Variants in PRIM2 observed in about 807,000 individuals in gnomAD.
PRIM2 encodes DNA primase subunit 2, also known as DNA primase large subunit.
Under a neutral mutation model 67.3 loss-of-function variants are expected in PRIM2, and 39 were observed. The ratio of observed to expected loss-of-function variants is 0.58; its 90% CI spans 0.45 to 0.76. The LOEUF (loss-of-function observed/expected upper bound fraction) is 0.76, where lower values mean the gene tolerates loss of function less well. PRIM2 is among the 30% of genes least tolerant of loss of function. PRIM2 has a pLI of 0.00. For missense variants in PRIM2, 398 were observed against 598.7 expected, an observed-to-expected ratio of 0.66 and a Z score of 3.50; for synonymous variants, 143 against 198.7, an observed-to-expected ratio of 0.72 and a Z score of 2.36.
intron 7 of PRIM2, among the ~76,000 whole-genome samples, chr6:57,491,983 G>T (rs1554346000): frequency 6.6e-6 from 1 of 152,074 alleles, no homozygotes; most frequent in African/African-American, 2.4e-5. Context: ...CCCCTACTGC[G>T]CATGTGTTAA....
the PRIM2 span, among the ~76,000 whole-genome samples, chr6:57,240,941 A>G: frequency 6.6e-6 from 1 of 151,848 alleles, no homozygotes; most frequent in East Asian, 1.9e-4. Flanking sequence ...ATAGAAAAAT[A>G]AGGCGGGGCT....
At chr6:57,452,667 G>A (rs1398698043) in intron 7 of PRIM2, among the ~76,000 whole-genome samples, 12 of 152,244 alleles carry the variant, frequency 7.9e-5, no homozygotes, top group Admixed American at 2.6e-4. Context: ...TGAGTTCATC[G>A]TAGATTCTGG....
intron 10 of PRIM2, among the ~76,000 whole-genome samples, chr6:57,542,461 C>T (rs1337823232): frequency 6.6e-6 from 1 of 152,122 alleles, no homozygotes; most frequent in Non-Finnish European, 1.5e-5. Context: ...CATTGACCTG[C>T]CTTCTTTTAT....
At chr6:57,410,982 C>T (rs796439522) in intron 7 of PRIM2, among the ~76,000 whole-genome samples, 81 of 151,870 alleles carry the variant, frequency 5.3e-4, no homozygotes, top group African/African-American at 7.2e-4. Flanking sequence ...GTCCAAATCT[C>T]ATGTTGAAAT....
At chr6:57,632,882 C>T (rs1223449635) in intron 13 of PRIM2, among the ~76,000 whole-genome samples, 10,544 of 152,244 alleles carry the variant, frequency 0.069, 528 homozygotes, top group East Asian at 0.21. Context: ...TAACTATACA[C>T]GAGTCAGGGA....
At chr6:57,460,365 T>C (rs2127396530) in intron 7 of PRIM2, among the ~76,000 whole-genome samples, 1 of 152,246 alleles carries the variant, frequency 6.6e-6, no homozygotes, top group East Asian at 1.9e-4. Flanking sequence ...TTTACTAGGA[T>C]TTTAGGAATA....
chr6:57,294,711 T>C, the PRIM2 span, among the ~76,000 whole-genome samples: 1 of 151,890 alleles, frequency 6.6e-6, no homozygotes, highest in Non-Finnish European at 1.5e-5. Flanking sequence ...CTTTAAGCAT[T>C]TATGTATATT....
intron 13 of PRIM2, among the ~76,000 whole-genome samples, chr6:57,632,756 C>T (rs1777057595): frequency 6.6e-6 from 1 of 152,242 alleles, no homozygotes; most frequent in Admixed American, 6.5e-5. Context: ...CTCTTGCCAT[C>T]TTCCATGCAG....
chr6:57,235,829 A>AAG, the PRIM2 span, among the ~76,000 whole-genome samples: 2 of 152,062 alleles, frequency 1.3e-5, no homozygotes, highest in South Asian at 4.2e-4. Context: ...AGGGGTGGAG[A>AAG]AGAGAGAGAG....
intron 7 of PRIM2, among the ~76,000 whole-genome samples, chr6:57,494,901 G>A (rs1464010676): frequency 6.6e-6 from 1 of 152,124 alleles, no homozygotes; most frequent in Non-Finnish European, 1.5e-5. Context: ...TGACATAAAT[G>A]TGCTTATCAC....
At chr6:57,563,899 T>A (rs1480607457) in intron 10 of PRIM2, among the ~76,000 whole-genome samples, 1 of 152,204 alleles carries the variant, frequency 6.6e-6, no homozygotes, top group Non-Finnish European at 1.5e-5. Context: ...GCTCTGGTGA[T>A]CCACCCTCCT....
chr6:57,591,068 G>A (rs1776274532), intron 10 of PRIM2, among the ~76,000 whole-genome samples: 1 of 152,192 alleles, frequency 6.6e-6, no homozygotes, highest in Admixed American at 6.5e-5. Context: ...GTTAGAATAT[G>A]TGTGATGTTC....
chr6:57,332,678 G>A (rs921918270), intron 5 of PRIM2, among the ~76,000 whole-genome samples: 3 of 152,018 alleles, frequency 2.0e-5, no homozygotes, highest in Non-Finnish European at 4.4e-5. Flanking sequence ...CATTAGCATA[G>A]CCATTCCAGA....
At chr6:57,222,701 A>C in the PRIM2 span, among the ~76,000 whole-genome samples, 1 of 152,254 alleles carries the variant, frequency 6.6e-6, no homozygotes, top group Non-Finnish European at 1.5e-5. Context: ...TATTCAGAGA[A>C]GCGAACCAAA....
chr6:57,241,205 C>A, the PRIM2 span, among the ~76,000 whole-genome samples: 2 of 134,386 alleles, frequency 1.5e-5, no homozygotes, highest in African/African-American at 5.7e-5. Context: ...TCCTGGGCGA[C>A]AGAGCGAGAC....
At chr6:57,642,652 A>C (rs1349173349) in intron 13 of PRIM2, among the ~76,000 whole-genome samples, 1 of 151,888 alleles carries the variant, frequency 6.6e-6, no homozygotes, top group African/African-American at 2.4e-5. Flanking sequence ...CGTGTTAGCC[A>C]GGATGGTCTC....
chr6:57,623,748 G>A (rs1280105606), intron 12 of PRIM2, among the ~76,000 whole-genome samples: 1 of 152,028 alleles, frequency 6.6e-6, no homozygotes, highest in Non-Finnish European at 1.5e-5. Context: ...ATTTCATAAA[G>A]CAAGTAGTTT....
At chr6:57,419,104 T>G (rs1349298506) in intron 7 of PRIM2, among the ~76,000 whole-genome samples, 2 of 152,124 alleles carry the variant, frequency 1.3e-5, no homozygotes. Flanking sequence ...GGAACTTTGG[T>G]GTAGAAGAAT....
At chr6:57,340,011 G>GA (rs1232109986) in intron 5 of PRIM2, among the ~76,000 whole-genome samples, 142 of 150,448 alleles carry the variant, frequency 9.4e-4, no homozygotes, top group Non-Finnish European at 1.7e-3. Context: ...AATTTATGAG[G>GA]AAAAAAAAAC....
Sources: gnomAD v4.1 joint callset for allele counts (sites outside exome capture counted in the v4.1 genomes callset) on GRCh38, gnomAD v4.1.1 for gene constraint, MANE v1.5 for transcripts, NCBI Gene and HGNC (gene_info 2026-07-23, HGNC 2026-07-21) for gene names.